Variants in SPAG17 observed in about 807,000 individuals in gnomAD.
SPAG17 encodes sperm associated antigen 17.
A neutral mutation model predicts 273.6 loss-of-function variants in SPAG17; 169 were observed. The observed-to-expected ratio is 0.62, with a 90% CI of 0.55 to 0.70. SPAG17 has a LOEUF of 0.70. Among genes scored for constraint, SPAG17 ranks in the 30% least tolerant of loss-of-function variants. The pLI is 0.00. For missense variants in SPAG17, 2,557 were observed against 2,627.8 expected, an observed-to-expected ratio of 0.97 and a Z score of 0.59; for synonymous variants, 825 against 873.2, an observed-to-expected ratio of 0.94 and a Z score of 0.97.
Position 118,030,173 on chromosome 1 carries a change from C to A in SPAG17, c.3609+1519G>T, listed in dbSNP as rs942206002. Among the ~76,000 whole-genome samples the A allele has an allele frequency of 4.5e-4, 68 of 151,994 alleles. 1 individual carries two copies. Among genetic ancestry groups the A allele is most frequent in the South Asian group, 8.3e-4 (4 of 4,808 alleles). On this transcript the variant is annotated intron_variant, in intron 25 of 48. Coordinates refer to ENST00000336338, the MANE Select transcript of SPAG17 (RefSeq NM_206996.4). ...TTTTACTTAACAAGAGTCAAGGGGC[C>A]TGGCATGAGAAATTTTATCTAGTAT... is the stretch of plus-strand genomic sequence containing the variant.
chr1:117,968,940 C>T (rs1040928134), intron 46 of SPAG17, among the ~76,000 whole-genome samples: 2 of 152,168 alleles, frequency 1.3e-5, no homozygotes, highest in Admixed American at 6.5e-5. Flanking sequence ...AAGCTGCTTA[C>T]GTGTCTTACT....
intron 1 of SPAG17, among the ~76,000 whole-genome samples, chr1:118,158,106 TG>T (rs1659740238): frequency 6.6e-6 from 1 of 152,240 alleles, no homozygotes; most frequent in Admixed American, 6.5e-5. Context: ...TAAAGTATTT[TG>T]GGTCCTTGGA....
At chr1:118,058,693 G>T (rs1651963567) in intron 18 of SPAG17, among the ~76,000 whole-genome samples, 1 of 152,106 alleles carries the variant, frequency 6.6e-6, no homozygotes, top group African/African-American at 2.4e-5. Flanking sequence ...CCTCTTCTTA[G>T]TTTAACCCCA....
chr1:118,126,156 C>A (rs967393292), intron 3 of SPAG17, among the ~76,000 whole-genome samples: 1 of 149,814 alleles, frequency 6.7e-6, no homozygotes, highest in Admixed American at 6.7e-5. Flanking sequence ...CTAGCTGTTG[C>A]CACTTACATG....
intron 12 of SPAG17, 24 bp downstream of exon 12, chr1:118,086,647 T>C (rs1319897363): frequency 6.2e-7 from 1 of 1,600,534 alleles, no homozygotes; most frequent in African/African-American, 1.3e-5. Flanking sequence ...TCGGTTTTCC[T>C]TGGGCTAACC....
intron 3 of SPAG17, among the ~76,000 whole-genome samples, chr1:118,139,294 C>CAA (rs967015651): frequency 2.6e-5 from 4 of 151,764 alleles, no homozygotes; most frequent in African/African-American, 9.7e-5. Context: ...TAATTTTTTT[C>CAA]AAAAAGATGA....
At chr1:118,067,457 C>T (rs908181391) in intron 17 of SPAG17, among the ~76,000 whole-genome samples, 2 of 152,146 alleles carry the variant, frequency 1.3e-5, no homozygotes, top group Non-Finnish European at 2.9e-5. Flanking sequence ...CTCTCCCTCC[C>T]TCTTTCCCTT....
chr1:118,006,001 G>A (rs1658837058), intron 31 of SPAG17, among the ~76,000 whole-genome samples: 3 of 152,126 alleles, frequency 2.0e-5, no homozygotes, highest in African/African-American at 7.2e-5. Context: ...ATAAAACTGT[G>A]CGATAAGTGC....
intron 1 of SPAG17, among the ~76,000 whole-genome samples, chr1:118,168,037 A>C (rs1320507513): frequency 6.6e-6 from 1 of 152,244 alleles, no homozygotes; most frequent in African/African-American, 2.4e-5. Context: ...CCCCAGAAGC[A>C]GAAGCTGCTG....
At chr1:117,992,736 G>A in intron 35 of SPAG17, 88 bp from the exon 36 acceptor site, 1 of 1,149,566 alleles carries the variant, frequency 8.7e-7, no homozygotes, top group Non-Finnish European at 1.2e-6. Context: ...TTATTACATA[G>A]ATATCATAAT....
chr1:118,064,119 C>A (rs1652674485), intron 18 of SPAG17, among the ~76,000 whole-genome samples: 1 of 152,166 alleles, frequency 6.6e-6, no homozygotes, highest in Non-Finnish European at 1.5e-5. Flanking sequence ...GAAATAGGAA[C>A]ACTTTTACAC....
intron 3 of SPAG17, among the ~76,000 whole-genome samples, chr1:118,121,732 C>A (rs1469462488): frequency 6.6e-6 from 1 of 152,176 alleles, no homozygotes; most frequent in African/African-American, 2.4e-5. Context: ...GAGTGCATGT[C>A]CATGTGTGCA....
At chr1:118,120,263 T>C (rs1657344897) in intron 3 of SPAG17, among the ~76,000 whole-genome samples, 1 of 149,196 alleles carries the variant, frequency 6.7e-6, no homozygotes, top group Non-Finnish European at 1.5e-5. Flanking sequence ...TATTGAGTAC[T>C]TTAATATTGC....
intron 1 of SPAG17, among the ~76,000 whole-genome samples, chr1:118,156,221 C>T (rs1263428510): frequency 6.6e-6 from 1 of 152,168 alleles, no homozygotes; most frequent in Non-Finnish European, 1.5e-5. Flanking sequence ...GTCATGTTTT[C>T]TCATCTAGAC....
rs1350354073 is a variant in SPAG17 at position 118,074,571 on chromosome 1, C to T, written c.2239G>A (p.Asp747Asn). The T allele has an allele frequency of 6.2e-7, 1 of 1,613,662 alleles. No individual in the cohort carries two copies. The highest frequency in any genetic ancestry group is 2.2e-5 in the East Asian group (1 of 44,890). ...EQTTNNEIKD[D>N]AVTKADSHEK... ...TGAGAATCAGCCTTTGTGACTGCAT[C>T]ATCTTTGATCTCATTGTTTGTGGTC... The change falls in exon 16 of 49, where the codon GAT becomes AAT. Residue 747 changes from aspartate to asparagine, a missense_variant. Transcript: ENST00000336338.
In SPAG17 at chr1:117,981,279, A is replaced by T; in HGVS notation, c.5995T>A (p.Ser1999Thr). The T allele has an allele frequency of 9.6e-6, 15 of 1,565,662 alleles. No individual in the cohort carries two copies. Among genetic ancestry groups the T allele is most frequent in the Non-Finnish European group, 1.3e-5 (15 of 1,166,256 alleles). ...AAAAAGACTGCCATACCTTCAGGAG[A>T]TTTTGTTAAATTTTCAGTTTGGTTC... ...AQNQTENLTK[S>T]PEEAESYEPV... The change falls in exon 43 of 49, where the codon TCT becomes ACT. Residue 1999 changes from serine to threonine, a missense_variant. Coordinates refer to ENST00000336338, the MANE Select transcript of SPAG17 (RefSeq NM_206996.4).
At chr1:118,009,129 A>G (rs901131744) in intron 30 of SPAG17, among the ~76,000 whole-genome samples, 3 of 152,050 alleles carry the variant, frequency 2.0e-5, no homozygotes, top group Non-Finnish European at 4.4e-5. Context: ...TAAAGTTACA[A>G]TTATACAATT....
intron 12 of SPAG17, 89 bp from the exon 13 acceptor site, chr1:118,086,161 A>G (rs1442322898): frequency 9.2e-6 from 11 of 1,195,680 alleles, no homozygotes; most frequent in Non-Finnish European, 1.3e-5. Flanking sequence ...TGATACCTTC[A>G]CCCTCATTAT....
chr1:118,017,172 A>G (rs982725163), intron 28 of SPAG17, among the ~76,000 whole-genome samples: 9 of 152,308 alleles, frequency 5.9e-5, no homozygotes, highest in African/African-American at 2.2e-4. Flanking sequence ...TACTTCTAGA[A>G]TATTAGTAGA....
Sources: gnomAD v4.1 joint callset for allele counts (sites outside exome capture counted in the v4.1 genomes callset) on GRCh38, gnomAD v4.1.1 for gene constraint, MANE v1.5 for transcripts, NCBI Gene and HGNC (gene_info 2026-07-23, HGNC 2026-07-21) for gene names.